Variants in CFAP20DC observed in about 807,000 individuals in gnomAD.
CFAP20DC encodes the protein protein CFAP20DC.
In CFAP20DC, 84 loss-of-function variants were observed where a neutral mutation model predicts 101.7. The ratio of observed to expected loss-of-function variants is 0.83; its 90% confidence interval spans 0.69 to 0.99. The LOEUF is 0.99. Ranked by LOEUF, CFAP20DC falls within the 50% of genes least tolerant of loss-of-function variation. The probability of loss-of-function intolerance (pLI) is 0.00; values close to 1 mark genes in which losing one functional copy is unlikely to be tolerated. For synonymous variants in CFAP20DC, 359 were observed against 351.2 expected (o/e 1.02, Z -0.25); for missense variants, 1,007 against 970.3 (o/e 1.04, Z -0.50).
intron 4 of CFAP20DC, among the ~76,000 whole-genome samples, chr3:59,022,012 G>A (rs983022136): frequency 2.0e-5 from 3 of 151,972 alleles, no homozygotes; most frequent in African/African-American, 7.2e-5. Flanking sequence ...TGCTAATCCT[G>A]ACCCAAGCAA....
intron 4 of CFAP20DC, among the ~76,000 whole-genome samples, chr3:58,983,366 T>C (rs1054531080): frequency 6.6e-6 from 1 of 152,212 alleles, no homozygotes; most frequent in African/African-American, 2.4e-5. Context: ...TATAGATTAC[T>C]TAAACCAGAA....
chr3:58,884,490 T>G, intron 7 of CFAP20DC, 55 bp downstream of exon 7: 1 of 1,540,074 alleles, frequency 6.5e-7, no homozygotes, highest in Non-Finnish European at 9.0e-7. Flanking sequence ...AAGTCACACT[T>G]TATGGGAGAG....
At chr3:58,822,233 C>G (rs913862176) in intron 14 of CFAP20DC, among the ~76,000 whole-genome samples, 5 of 149,868 alleles carry the variant, frequency 3.3e-5, no homozygotes, top group Admixed American at 6.7e-5. Context: ...CAGCATGGCA[C>G]ATGTATACAT....
chr3:58,759,690 C>T (rs1387233471), intron 15 of CFAP20DC, among the ~76,000 whole-genome samples: 1 of 152,062 alleles, frequency 6.6e-6, no homozygotes, highest in Admixed American at 6.6e-5. Flanking sequence ...AGTCTTTAAC[C>T]CATCTTGAAT....
At chr3:58,883,355 CT>C (rs1468654977) in intron 7 of CFAP20DC, among the ~76,000 whole-genome samples, 1 of 152,198 alleles carries the variant, frequency 6.6e-6, no homozygotes, top group Non-Finnish European at 1.5e-5. Flanking sequence ...TTGAATCCTG[CT>C]GTTAAATTCA....
chr3:58,771,921 T>A (rs2070885324), intron 15 of CFAP20DC, among the ~76,000 whole-genome samples: 1 of 152,212 alleles, frequency 6.6e-6, no homozygotes, highest in Non-Finnish European at 1.5e-5. Flanking sequence ...CTTAATTTCT[T>A]TTCTATGAAG....
At chr3:58,805,641 C>T (rs538744227) in intron 15 of CFAP20DC, among the ~76,000 whole-genome samples, 7 of 152,156 alleles carry the variant, frequency 4.6e-5, no homozygotes, top group Non-Finnish European at 7.4e-5. Flanking sequence ...GGTAGGCTCA[C>T]GATATATGGA....
chr3:58,759,454 A>G lies in CFAP20DC; in HGVS notation c.2238-5591T>C, dbSNP rs549460043. On this transcript the variant is annotated intron_variant, in intron 15 of 16. Coordinates refer to ENST00000482387, the MANE Select transcript of CFAP20DC (RefSeq NM_001394063.1). ...TATTAGCCCTTTGTCAGATGAGTAG[A>G]TTGCAAAAATTTTCTCCCATTTTGT... Among the ~76,000 whole-genome samples the G allele has an allele frequency of 1.9e-4, 29 of 152,210 alleles. No homozygotes were observed. The East Asian group carries it at 1.9e-3, about 10-fold the overall frequency.
intron 15 of CFAP20DC, among the ~76,000 whole-genome samples, chr3:58,776,520 C>T (rs2071353445): frequency 6.6e-6 from 1 of 151,854 alleles, no homozygotes; most frequent in African/African-American, 2.4e-5. Flanking sequence ...CAAATTGCTG[C>T]CCTTAGAGAC....
At chr3:58,767,984 T>G (rs1404684087) in intron 15 of CFAP20DC, among the ~76,000 whole-genome samples, 1 of 152,194 alleles carries the variant, frequency 6.6e-6, no homozygotes, top group Non-Finnish European at 1.5e-5. Context: ...CTTGTATGCG[T>G]TTCTCCTACC....
intron 10 of CFAP20DC, 107 bp downstream of exon 10, chr3:58,867,710 T>G: frequency 7.4e-7 from 1 of 1,348,326 alleles, no homozygotes; most frequent in Non-Finnish European, 1.0e-6. Context: ...ACATTTATAT[T>G]TTAAATGGAT....
chr3:58,855,258 A>G (rs1466370329), intron 12 of CFAP20DC, among the ~76,000 whole-genome samples: 6 of 152,230 alleles, frequency 3.9e-5, no homozygotes, highest in African/African-American at 1.2e-4. Context: ...ACTGGCCATC[A>G]GAGAAATGCA....
rs148274213 is a variant in CFAP20DC at position 58,873,279 on chromosome 3, AG to A, written c.716-2971del. The stretch of plus-strand genomic sequence containing the variant: ...GATGCTGTAAGGCAAGTGCTCAAGC[AG>A]AAGTCTGGATAGCTGTGCTGGATGC... On this transcript the variant is annotated intron_variant, in intron 7 of 16. Transcript: ENST00000482387. Among the ~76,000 whole-genome samples, 1,448 of 150,404 alleles carry A rather than the reference AG, an allele frequency of 9.6e-3. 24 individuals are homozygous for A. Among genetic ancestry groups the A allele is most frequent in the African/African-American group, 0.034 (1,372 of 40,630 alleles).
chr3:58,773,292 T>G (rs1449062771), intron 15 of CFAP20DC, among the ~76,000 whole-genome samples: 1 of 151,348 alleles, frequency 6.6e-6, no homozygotes, highest in Non-Finnish European at 1.5e-5. Flanking sequence ...GGCTCATGCC[T>G]GTAATCCCAG....
intron 15 of CFAP20DC, among the ~76,000 whole-genome samples, chr3:58,763,747 C>T (rs1052049446): frequency 6.6e-6 from 1 of 152,150 alleles, no homozygotes; most frequent in African/African-American, 2.4e-5. Context: ...TGTTAGTTTT[C>T]CTTGTAACAG....
chr3:58,926,552 G>A (rs1478606898), intron 5 of CFAP20DC, among the ~76,000 whole-genome samples: 2 of 152,082 alleles, frequency 1.3e-5, no homozygotes, highest in African/African-American at 4.8e-5. Flanking sequence ...CCTTTTGTCT[G>A]AATAAACCTG....
chr3:58,937,606 A>G (rs2087889939), intron 5 of CFAP20DC, 42 bp downstream of exon 5: 7 of 1,176,556 alleles, frequency 5.9e-6, no homozygotes, highest in Non-Finnish European at 9.0e-6. Flanking sequence ...ATATTTGTTG[A>G]ATTGAATTTA....
At chr3:58,792,083 T>G (rs534679185) in intron 15 of CFAP20DC, among the ~76,000 whole-genome samples, 1 of 152,318 alleles carries the variant, frequency 6.6e-6, no homozygotes, top group African/African-American at 2.4e-5. Context: ...CAACTTTTGC[T>G]ACATATATTT....
intron 15 of CFAP20DC, among the ~76,000 whole-genome samples, chr3:58,779,447 T>G (rs1163752220): frequency 6.6e-6 from 1 of 152,126 alleles, no homozygotes; most frequent in Non-Finnish European, 1.5e-5. Flanking sequence ...AATGATCAAT[T>G]CAGCTAGAGG....
Sources: gnomAD v4.1 joint callset for allele counts (sites outside exome capture counted in the v4.1 genomes callset) on GRCh38, gnomAD v4.1.1 for gene constraint, MANE v1.5 for transcripts, NCBI Gene and HGNC (gene_info 2026-07-23, HGNC 2026-07-21) for gene names.